STOX2: variants seen among roughly 807,000 people sequenced by gnomAD.
The protein encoded by STOX2 is storkhead-box protein 2.
Under a neutral mutation model 60.9 loss-of-function variants are expected in STOX2, and 28 were observed. The observed-to-expected ratio is 0.46, with a 90% confidence interval of 0.34 to 0.63. The LOEUF is 0.63. Among genes scored for constraint, STOX2 ranks in the 30% least tolerant of loss-of-function variants. The pLI, the probability that STOX2 is intolerant of heterozygous loss-of-function variation, is 0.01. For missense variants in STOX2, 1,024 were observed against 1,187.7 expected, an observed-to-expected ratio of 0.86 and a Z score of 2.03; for synonymous variants, 472 against 463.9, an observed-to-expected ratio of 1.02 and a Z score of -0.22.
rs1006459475 is a variant in STOX2, at chr4:183,836,815, A to C, written c.364+38760A>C. Reference sequence around the variant, plus strand: ...TGGCTCAGTGGAACTACAAAACTTCACTTAGGGACACTAAGATTCATCTGG... The same window carrying C: ...TGGCTCAGTGGAACTACAAAACTTCCCTTAGGGACACTAAGATTCATCTGG... On this transcript the variant is annotated intron_variant, in intron 1 of 2. Transcript: ENST00000513034. This position sits in a 1 kb window ranked among gnomAD's most constrained non-coding sequence, Gnocchi z 4.1. Among the ~76,000 whole-genome samples the C allele has an allele frequency of 1.1e-4, 17 of 152,310 alleles. No individual in the cohort carries two copies. The highest frequency in any genetic ancestry group is 4.1e-4 in the African/African-American group (17 of 41,558).
At chr4:184,003,797 G>A (rs1733695722) in intron 2 of STOX2, among the ~76,000 whole-genome samples, 2 of 152,200 alleles carry the variant, frequency 1.3e-5, no homozygotes, top group Admixed American at 6.5e-5. Context: ...CCTGGGCTAG[G>A]ATATGGTGGT....
intron 1 of STOX2, among the ~76,000 whole-genome samples, chr4:183,962,332 T>TA (rs1743437116): frequency 6.6e-6 from 1 of 152,108 alleles, no homozygotes; most frequent in Non-Finnish European, 1.5e-5. Flanking sequence ...TCGTTTTTCT[T>TA]AAGTGGCAAA....
chr4:183,910,970 A>G lies in STOX2; in HGVS notation c.166+4014A>G, dbSNP rs563200963. 3.3e-5 allele frequency among the ~76,000 whole-genome samples: 5 copies of G among 152,260 alleles called. No homozygotes were observed. In the East Asian group the frequency reaches 9.7e-4, roughly 29 times the overall value. ...GAGACATGAGGGTTTTCTGGGAGTG[A>G]AGGATGGACACTGGAGGTTCCAATC... On this transcript the variant is annotated intron_variant, in intron 1 of 3. Coordinates refer to ENST00000308497, the MANE Select transcript of STOX2 (RefSeq NM_020225.3).
chr4:183,923,903 A>G (rs1560885016), intron 1 of STOX2, among the ~76,000 whole-genome samples: 1 of 152,068 alleles, frequency 6.6e-6, no homozygotes, highest in East Asian at 1.9e-4. Flanking sequence ...AGGTAGGAAC[A>G]CTCTGTAGAC....
chr4:183,987,421 G>T (rs1049097756), intron 1 of STOX2, among the ~76,000 whole-genome samples: 1 of 152,128 alleles, frequency 6.6e-6, no homozygotes, highest in Non-Finnish European at 1.5e-5. Context: ...CACAATGAGC[G>T]TGGCACCCGT....
intron 1 of STOX2, among the ~76,000 whole-genome samples, chr4:183,951,156 A>C (rs1050224900): frequency 3.3e-5 from 5 of 149,700 alleles, no homozygotes; most frequent in African/African-American, 7.4e-5. Context: ...TGGAGCTTGC[A>C]GTGAGCCGAG....
At chr4:183,816,145 T>C (rs747917430) in intron 1 of STOX2, among the ~76,000 whole-genome samples, 6 of 152,196 alleles carry the variant, frequency 3.9e-5, no homozygotes, top group Non-Finnish European at 7.3e-5. Context: ...GAATGTATAT[T>C]GTGAAGAGTA....
At chr4:183,960,959 A>T (rs547433267) in intron 1 of STOX2, among the ~76,000 whole-genome samples, 1 of 152,370 alleles carries the variant, frequency 6.6e-6, no homozygotes, top group African/African-American at 2.4e-5. Context: ...AAACAAATAC[A>T]TCAAGGTGCT....
intron 1 of STOX2, among the ~76,000 whole-genome samples, chr4:183,858,487 A>G (rs1391827056): frequency 6.6e-6 from 1 of 152,294 alleles, no homozygotes; most frequent in Middle Eastern, 3.4e-3. Context: ...TCATTCGTGC[A>G]CTGTTTCGTA....
rs564532054 is a variant in STOX2 at position 183,898,998 on chromosome 4, C to T, written c.364+100943C>T. Among the ~76,000 whole-genome samples, 613 of 152,298 alleles carry T rather than the reference C, an allele frequency of 4.0e-3. 1 individual carries two copies. The highest frequency in any genetic ancestry group is 6.9e-3 in the Non-Finnish European group (471 of 68,028). The stretch of plus-strand genomic sequence containing the variant: ...CCATTTTTCCAACAGCATGTCCTCA[C>T]GTTACGTCTCTGTGTCACATTGTGG... On this transcript the variant is annotated intron_variant, in intron 1 of 2. Transcript: ENST00000513034.
At chr4:183,903,020 C>A (rs1205351484), upstream of STOX2, among the ~76,000 whole-genome samples, 2 of 152,346 alleles carry the variant, frequency 1.3e-5, no homozygotes, top group Non-Finnish European at 2.9e-5. Context: ...TCAGTTTAAT[C>A]AAGTGCGATT....
chr4:183,937,434 T>C (rs1231369985), intron 1 of STOX2, among the ~76,000 whole-genome samples: 1 of 152,240 alleles, frequency 6.6e-6, no homozygotes. Context: ...CAGGAAGCCA[T>C]ATGACCTTTT....
intron 1 of STOX2, among the ~76,000 whole-genome samples, chr4:183,909,513 A>ATAAGCCTTG (rs1741718580): frequency 6.6e-6 from 1 of 152,216 alleles, no homozygotes; most frequent in Non-Finnish European, 1.5e-5. Flanking sequence ...TTGGGTTCAA[A>ATAAGCCTTG]GGACAAGATA....
At chr4:183,896,086 C>T (rs78620582) in intron 1 of STOX2, among the ~76,000 whole-genome samples, 2,158 of 152,296 alleles carry the variant, frequency 0.014, 23 homozygotes, top group Non-Finnish European at 0.023. Context: ...ACCTTGCTGA[C>T]CACTGGGCAT....
chr4:184,010,885 C>G lies in STOX2; in HGVS notation c.2047C>G (p.His683Asp), dbSNP rs1310849187. The stretch of plus-strand genomic sequence containing the variant: ...GATCGCCAACGGACGCCTCGTCCAG[C>G]ACCATGGTGCCGAGCCCAGCAGCTT... ...EGIANGRLVQHHGAEPSSLDK... is the reference protein window; with the variant it reads ...EGIANGRLVQDHGAEPSSLDK... The change falls in exon 3 of 4, where the codon CAC (histidine) becomes GAC (aspartate). Residue 683 changes from histidine (H) to aspartate (D), a missense_variant. His to Asp is a moderately conservative substitution (Grantham distance 81, BLOSUM62 -1). Around this residue, in one of 3 missense-constraint regions of STOX2, gnomAD observed 922 missense variants for 1,058.3 expected, o/e 0.87. Coordinates refer to ENST00000308497, the MANE Select transcript of STOX2 (RefSeq NM_020225.3). The surrounding 1 kb of genome is among the most constrained non-coding windows in gnomAD (Gnocchi z 4.5). The G allele has an allele frequency of 1.2e-6, 2 of 1,612,238 alleles. No homozygotes were observed. The highest frequency in any genetic ancestry group is 1.7e-6 in the Non-Finnish European group (2 of 1,179,096).
intron 1 of STOX2, among the ~76,000 whole-genome samples, chr4:183,951,106 C>T (rs1317454761): frequency 3.3e-5 from 5 of 151,040 alleles, no homozygotes; most frequent in African/African-American, 9.7e-5. Context: ...GTCCCAGCTA[C>T]TCGGGAGGCT....
In STOX2 at chr4:184,009,880, G is replaced by A. The variant is rs1159149046; in HGVS notation, c.1042G>A (p.Gly348Arg). 11 of 1,611,770 alleles carry A rather than the reference G, an allele frequency of 6.8e-6. No individual in the cohort carries two copies. The highest frequency in any genetic ancestry group is 1.7e-5 in the Admixed American group (1 of 59,756). Residue 348 changes from glycine to arginine, a missense_variant, in exon 3 of 4, where the codon GGG becomes AGG. Gly to Arg is a moderately radical substitution (Grantham distance 125, BLOSUM62 -2). Around this residue, in one of 3 missense-constraint regions of STOX2, gnomAD observed 922 missense variants for 1,058.3 expected, o/e 0.87. Coordinates refer to ENST00000308497, the MANE Select transcript of STOX2 (RefSeq NM_020225.3). The surrounding 1 kb of genome is among the most constrained non-coding windows in gnomAD (Gnocchi z 4.0). ...EEEKAQRSKAGSSAHHSGRSK... is the reference protein window; with the variant it reads ...EEEKAQRSKARSSAHHSGRSK... ...AGAAAAGGCCCAGAGGAGTAAAGCCGGGTCCTCTGCCCATCACAGCGGAAG... is the reference window on the plus strand; with the variant it reads ...AGAAAAGGCCCAGAGGAGTAAAGCCAGGTCCTCTGCCCATCACAGCGGAAG...
chr4:183,920,883 G>T (rs1184827110), intron 1 of STOX2, among the ~76,000 whole-genome samples: 1 of 152,096 alleles, frequency 6.6e-6, no homozygotes, highest in African/African-American at 2.4e-5. Flanking sequence ...ACAACTCCTA[G>T]GTCTTAACGC....
chr4:184,002,609 C>T (rs1387061362), intron 2 of STOX2, among the ~76,000 whole-genome samples: 1 of 152,194 alleles, frequency 6.6e-6, no homozygotes, highest in Non-Finnish European at 1.5e-5. Flanking sequence ...ATCTCCTTCA[C>T]TTGCGGGATG....
Sources: allele counts gnomAD v4.1 joint callset (sites outside exome capture counted in the v4.1 genomes callset), GRCh38; gene constraint gnomAD v4.1.1; regional missense constraint gnomAD v4.1.1; non-coding constraint Gnocchi (gnomAD v3.1); transcripts MANE v1.5; gene names NCBI Gene and HGNC (gene_info 2026-07-23, HGNC 2026-07-21).